The following AFG2A variants were observed in gnomAD, a reference collection of about 807,000 sequenced individuals.
AFG2A encodes the protein AAA ATPase AFG2A, also known as ATPase family gene 2 protein homolog A.
chr4:122,997,501 C>T, the AFG2A span, among the ~76,000 whole-genome samples: 1 of 152,068 alleles, frequency 6.6e-6, no homozygotes, highest in Non-Finnish European at 1.5e-5. Flanking sequence ...GATCATATTC[C>T]ATTGTGTTGA....
chr4:123,301,873 G>A, the AFG2A span, among the ~76,000 whole-genome samples: 1 of 152,096 alleles, frequency 6.6e-6, no homozygotes, highest in Non-Finnish European at 1.5e-5. Flanking sequence ...TGAAAGACAC[G>A]CATTACAGAT....
the AFG2A span, among the ~76,000 whole-genome samples, chr4:123,142,409 G>A: frequency 6.6e-6 from 1 of 151,922 alleles, no homozygotes; most frequent in South Asian, 2.1e-4. Flanking sequence ...CTTAAGTTTT[G>A]GTGAATGTTC....
At chr4:122,972,437 T>A in the AFG2A span, among the ~76,000 whole-genome samples, 1 of 152,004 alleles carries the variant, frequency 6.6e-6, no homozygotes, top group African/African-American at 2.4e-5. Context: ...CTTTTTTTAA[T>A]TGTGCATTTG....
chr4:123,162,568 T>C, the AFG2A span, among the ~76,000 whole-genome samples: 1 of 152,206 alleles, frequency 6.6e-6, no homozygotes, highest in Non-Finnish European at 1.5e-5. Context: ...AATTTACTCA[T>C]ATTATTGCAT....
At chr4:123,308,411 A>G in the AFG2A span, among the ~76,000 whole-genome samples, 11 of 152,202 alleles carry the variant, frequency 7.2e-5, no homozygotes, top group East Asian at 7.7e-4. Context: ...CATGTCAGGA[A>G]CCAGGCCACA....
the AFG2A span, among the ~76,000 whole-genome samples, chr4:123,050,490 T>A: frequency 2.0e-5 from 3 of 152,208 alleles, no homozygotes; most frequent in South Asian, 4.1e-4. Flanking sequence ...GCTCCACTGT[T>A]GGGTGCATGT....
the AFG2A span, among the ~76,000 whole-genome samples, chr4:122,965,682 T>C: frequency 1.3e-5 from 2 of 152,240 alleles, no homozygotes; most frequent in African/African-American, 2.4e-5. Flanking sequence ...TTTAAAAAAT[T>C]AACTCCAAAG....
the AFG2A span, among the ~76,000 whole-genome samples, chr4:123,076,747 G>A: frequency 6.6e-6 from 1 of 151,972 alleles, no homozygotes; most frequent in Non-Finnish European, 1.5e-5. Flanking sequence ...AGAAATCAAT[G>A]TAGAAATAAA....
the AFG2A span, chr4:123,028,331 G>C: frequency 6.2e-7 from 1 of 1,614,084 alleles, no homozygotes; most frequent in South Asian, 1.1e-5. Flanking sequence ...CCACCTGGGT[G>C]CTCTAAAACA....
At chr4:123,109,952 A>G in the AFG2A span, among the ~76,000 whole-genome samples, 2 of 152,284 alleles carry the variant, frequency 1.3e-5, no homozygotes, top group South Asian at 4.1e-4. Flanking sequence ...CAAAATGCAA[A>G]TAATTTGCTG....
chr4:123,033,236 C>G, the AFG2A span, among the ~76,000 whole-genome samples: 1 of 152,110 alleles, frequency 6.6e-6, no homozygotes, highest in African/African-American at 2.4e-5. Context: ...AGTGACTTTT[C>G]GAAGGTCTAA....
At chr4:123,069,425 A>G in the AFG2A span, among the ~76,000 whole-genome samples, 1 of 152,320 alleles carries the variant, frequency 6.6e-6, no homozygotes, top group Admixed American at 6.5e-5. Context: ...TATCAAGGAC[A>G]AATGCTGTAT....
the AFG2A span, chr4:122,933,476 G>A: frequency 4.3e-6 from 7 of 1,611,956 alleles, no homozygotes; most frequent in South Asian, 1.1e-5. Flanking sequence ...AGAACTGACT[G>A]GTTGTATCCT....
At chr4:123,156,085 T>C in the AFG2A span, among the ~76,000 whole-genome samples, 1 of 152,148 alleles carries the variant, frequency 6.6e-6, no homozygotes, top group African/African-American at 2.4e-5. Flanking sequence ...GGAACAGATA[T>C]TATAAATGTT....
the AFG2A span, among the ~76,000 whole-genome samples, chr4:123,269,207 C>T: frequency 1.3e-5 from 2 of 152,066 alleles, no homozygotes; most frequent in Admixed American, 6.6e-5. Context: ...CAAATAAAGC[C>T]GTATGTGGGA....
chr4:123,149,712 GGTGTTGAA>G, the AFG2A span, among the ~76,000 whole-genome samples: 2 of 151,756 alleles, frequency 1.3e-5, no homozygotes, highest in African/African-American at 4.9e-5. Context: ...TCATTTCAAT[GGTGTTGAA>G]GCCTAACTAA....
the AFG2A span, among the ~76,000 whole-genome samples, chr4:122,976,021 A>G: frequency 2.0e-5 from 3 of 152,242 alleles, no homozygotes; most frequent in East Asian, 5.8e-4. Flanking sequence ...CTTTTTATTA[A>G]TGCTTCTGTT....
At chr4:123,253,482 C>A in the AFG2A span, among the ~76,000 whole-genome samples, 1 of 69,268 alleles carries the variant, frequency 1.4e-5, no homozygotes, top group Non-Finnish European at 4.1e-5. Context: ...CGAAACTCCA[C>A]CTCAAAAAAA....
chr4:123,199,473 T>G, the AFG2A span, among the ~76,000 whole-genome samples: 25 of 136,092 alleles, frequency 1.8e-4, no homozygotes, highest in Admixed American at 7.4e-4. Context: ...TTTTTTTTTT[T>G]TTTTTTTTTT....
Sources: gnomAD v4.1 joint callset for allele counts (sites outside exome capture counted in the v4.1 genomes callset) on GRCh38, gnomAD v4.1.1 for gene constraint, MANE v1.5 for transcripts, NCBI Gene and HGNC (gene_info 2026-07-23, HGNC 2026-07-21) for gene names.